Variants in IMMT observed in about 807,000 individuals in gnomAD.
IMMT encodes inner membrane mitochondrial protein.
IMMT carries 40 observed loss-of-function variants against 92.7 expected under a neutral mutation model. The observed-to-expected ratio is 0.43, with a 90% CI of 0.34 to 0.56. The LOEUF (loss-of-function observed/expected upper bound fraction) is 0.56, where lower values mean the gene tolerates loss of function less well. Among genes scored for constraint, IMMT ranks in the 20% least tolerant of loss-of-function variants. IMMT has a pLI of 0.03. For missense variants in IMMT, 831 were observed against 912.1 expected, an observed-to-expected ratio of 0.91 and a Z score of 1.14; for synonymous variants, 322 against 336.1, an observed-to-expected ratio of 0.96 and a Z score of 0.46.
At chr2:86,171,975 T>G (rs1278959282) in intron 4 of IMMT, among the ~76,000 whole-genome samples, 6 of 148,806 alleles carry the variant, frequency 4.0e-5, no homozygotes, top group Non-Finnish European at 6.0e-5. Context: ...TTTTTTTTTT[T>G]TTTTTTTTGA....
chr2:86,171,648 G>T, intron 4 of IMMT: 1 of 248,394 alleles, frequency 4.0e-6, no homozygotes, highest in Non-Finnish European at 7.8e-6. Flanking sequence ...CACAAGAAGG[G>T]GACATTTACA....
rs1677016843 is a variant in IMMT, at chr2:86,170,641, A to G, written c.655+108T>C. 8.4e-6 allele frequency: 6 copies of G among 711,018 alleles called. No individual in the cohort carries two copies. In the South Asian group the frequency reaches 1.1e-4, roughly 13 times the overall value. 44.0% of individuals were successfully genotyped at this position (711,018 alleles called of 1,614,324 possible). A position where few individuals can be genotyped will look rare whatever the true frequency, so the allele number is the denominator to read the frequency against. ...GCCACTAAAAAACAACCGCAGCAAC[A>G]AAAGAAACCACAACTAGGTGATAGA... On this transcript the variant is annotated intron_variant, in intron 6 of 14. Coordinates refer to ENST00000410111, the MANE Select transcript of IMMT (RefSeq NM_006839.3).
chr2:86,169,297 T>G (rs1676931925), intron 6 of IMMT, among the ~76,000 whole-genome samples: 1 of 152,110 alleles, frequency 6.6e-6, no homozygotes, highest in African/African-American at 2.4e-5. Context: ...AAAAAAGAAG[T>G]AGGAAAAATG....
At chr2:86,170,993 C>G in intron 5 of IMMT, 149 bp from the exon 6 acceptor site, 1 of 695,972 alleles carries the variant, frequency 1.4e-6, no homozygotes, top group Non-Finnish European at 2.4e-6. Flanking sequence ...TATCATTACT[C>G]TTAATGATTC....
At chr2:86,182,307 T>C (rs1251684382) in intron 1 of IMMT, among the ~76,000 whole-genome samples, 3 of 152,188 alleles carry the variant, frequency 2.0e-5, no homozygotes, top group Non-Finnish European at 2.9e-5. Flanking sequence ...TTAATGAAAT[T>C]GTATTTAACG....
chr2:86,168,420 C>T (rs1390387407), intron 6 of IMMT, among the ~76,000 whole-genome samples: 2 of 151,876 alleles, frequency 1.3e-5, no homozygotes, highest in Middle Eastern at 3.2e-3. Flanking sequence ...GTCAGGAGTT[C>T]GAGACCAGGC....
chr2:86,156,022 ATTGCTT>A (rs1339228037), intron 10 of IMMT, among the ~76,000 whole-genome samples: 20 of 152,162 alleles, frequency 1.3e-4, no homozygotes, highest in Non-Finnish European at 2.4e-4. Context: ...AACAATATAG[ATTGCTT>A]CACAAGGGAC....
intron 4 of IMMT, among the ~76,000 whole-genome samples, chr2:86,171,771 G>A (rs1349740297): frequency 2.0e-5 from 3 of 151,896 alleles, no homozygotes; most frequent in Non-Finnish European, 1.5e-5. Flanking sequence ...GAAGACGTGT[G>A]AGCAGGAAAA....
At chr2:86,184,471 T>C (rs1180400223) in intron 1 of IMMT, among the ~76,000 whole-genome samples, 1 of 152,136 alleles carries the variant, frequency 6.6e-6, no homozygotes, top group Non-Finnish European at 1.5e-5. Context: ...ATAATTTATA[T>C]ATTAATACGT....
intron 7 of IMMT, among the ~76,000 whole-genome samples, chr2:86,164,357 C>G (rs528109480): frequency 6.6e-6 from 1 of 151,644 alleles, no homozygotes; most frequent in Non-Finnish European, 1.5e-5. Context: ...ACGCCTGGAC[C>G]GCTTTAGTCA....
In IMMT at chr2:86,159,541, T is replaced by C. The variant is rs1471727293; in HGVS notation, c.1027A>G (p.Lys343Glu). 6.3e-7 allele frequency: 1 copy of C among 1,597,740 alleles called. No homozygotes were observed. The highest frequency in any genetic ancestry group is 8.6e-7 in the Non-Finnish European group (1 of 1,168,786). ...NMIVDLDNVV[K>E]KVQAAQSEAK... ...ATAAGACTTAGGAAACATACCTTTT[T>C]GACCACATTATCCAGATCAACTATC... Residue 343 changes from lysine (K) to glutamate (E), a missense_variant, in exon 9 of 15, where the codon AAA becomes GAA. Transcript: ENST00000410111.
chr2:86,157,730 G>T (rs1412429330), intron 10 of IMMT, among the ~76,000 whole-genome samples: 1 of 147,526 alleles, frequency 6.8e-6, no homozygotes, highest in Non-Finnish European at 1.5e-5. Context: ...GGAGGTTGCA[G>T]TGAGCCAAGA....
At chr2:86,156,984 T>C (rs191324312) in intron 10 of IMMT, among the ~76,000 whole-genome samples, 2 of 152,298 alleles carry the variant, frequency 1.3e-5, no homozygotes, top group African/African-American at 2.4e-5. Flanking sequence ...GTCTCTCAGG[T>C]GCTCACATCT....
chr2:86,186,510 G>GCTTC (rs1672781397), intron 1 of IMMT, among the ~76,000 whole-genome samples: 1 of 152,182 alleles, frequency 6.6e-6, no homozygotes, highest in South Asian at 2.1e-4. Flanking sequence ...GACATAAAAA[G>GCTTC]GATACAGCTT....
chr2:86,144,148 A>G lies in IMMT; in HGVS notation c.*120T>C. 5 of 1,060,326 alleles carry G rather than the reference A, an allele frequency of 4.7e-6. 1 individual carries two copies. In the South Asian group the frequency reaches 8.1e-5, roughly 17 times the overall value. The allele number at this position is 1,060,326 out of a possible 1,614,324, so 65.7% of individuals were successfully genotyped here. A position where few individuals can be genotyped will look rare whatever the true frequency, so the allele number is the denominator to read the frequency against. On this transcript the variant is annotated 3_prime_UTR_variant, in exon 15 of 15. Transcript: ENST00000410111. The stretch of plus-strand genomic sequence containing the variant: ...AATGCAACAGGTGTTAACATTTAGA[A>G]CAGTACTTGTAAACCTGCTCATTTC...
At chr2:86,166,999 G>A (rs938568172) in intron 6 of IMMT, among the ~76,000 whole-genome samples, 12 of 151,102 alleles carry the variant, frequency 7.9e-5, no homozygotes, top group Admixed American at 7.9e-4. Flanking sequence ...CTGGGAGGCT[G>A]AGGCAGGAGA....
intron 3 of IMMT, among the ~76,000 whole-genome samples, chr2:86,178,660 T>C (rs1303614528): frequency 6.6e-6 from 1 of 152,026 alleles, no homozygotes; most frequent in African/African-American, 2.4e-5. Flanking sequence ...TACATACATC[T>C]GGCAAGTTGC....
chr2:86,145,986 G>A (rs1674972739), intron 14 of IMMT, 82 bp downstream of exon 14: 3 of 1,136,450 alleles, frequency 2.6e-6, no homozygotes, highest in Admixed American at 2.8e-5. Flanking sequence ...GTCAGTACAT[G>A]TACCCCATTT....
At chr2:86,156,167 C>G (rs1188877653) in intron 10 of IMMT, among the ~76,000 whole-genome samples, 1 of 152,170 alleles carries the variant, frequency 6.6e-6, no homozygotes, top group Non-Finnish European at 1.5e-5. Context: ...AGCAGCACGT[C>G]TGGCCTCCAC....
Sources: allele counts gnomAD v4.1 joint callset (sites outside exome capture counted in the v4.1 genomes callset), GRCh38; gene constraint gnomAD v4.1.1; transcripts MANE v1.5; gene names NCBI Gene and HGNC (gene_info 2026-07-23, HGNC 2026-07-21).